The following C7orf78 variants were observed in gnomAD, a reference collection of about 807,000 sequenced individuals.
C7orf78 encodes the protein putative uncharacterized protein C7orf78.
At chr7:12,511,844 C>T in the C7orf78 span, among the ~76,000 whole-genome samples, 31 of 151,496 alleles carry the variant, frequency 2.0e-4, no homozygotes, top group African/African-American at 2.7e-4. Flanking sequence ...CTCTGCTTCC[C>T]GGGTTCACAC....
At chr7:12,538,056 T>C in the C7orf78 span, among the ~76,000 whole-genome samples, 1 of 152,196 alleles carries the variant, frequency 6.6e-6, no homozygotes, top group Admixed American at 6.5e-5. Flanking sequence ...AGAAATGTAG[T>C]ATTTTCTGAC....
the C7orf78 span, among the ~76,000 whole-genome samples, chr7:12,484,638 G>C: frequency 6.6e-6 from 1 of 152,062 alleles, no homozygotes; most frequent in African/African-American, 2.4e-5. Flanking sequence ...TCTGCTATCA[G>C]TCACTTTTTG....
the C7orf78 span, chr7:12,529,136 T>C: frequency 1.6e-3 from 631 of 397,202 alleles, no homozygotes; most frequent in African/African-American, 0.012. Context: ...TTTGTTGTAG[T>C]GTAAAATATA....
chr7:12,493,754 T>A, the C7orf78 span, among the ~76,000 whole-genome samples: 18 of 152,198 alleles, frequency 1.2e-4, no homozygotes, highest in Non-Finnish European at 2.4e-4. Context: ...TAAAAGTAAC[T>A]ACTCCCAAAG....
At chr7:12,491,828 T>G in the C7orf78 span, 1 of 152,294 alleles carries the variant, frequency 6.6e-6, no homozygotes, top group South Asian at 2.1e-4. Flanking sequence ...TATTTCTTAT[T>G]TTGCTGCCTT....
the C7orf78 span, among the ~76,000 whole-genome samples, chr7:12,526,603 TAA>T: frequency 1.3e-5 from 2 of 152,184 alleles, no homozygotes; most frequent in Admixed American, 6.5e-5. Context: ...TTTATACCTG[TAA>T]AACTAAGATA....
chr7:12,539,833 A>G, the C7orf78 span, among the ~76,000 whole-genome samples: 1 of 152,222 alleles, frequency 6.6e-6, no homozygotes, highest in Admixed American at 6.5e-5. Context: ...AGAAACAGGA[A>G]CTAGGGAGAG....
chr7:12,534,179 A>G, the C7orf78 span, among the ~76,000 whole-genome samples: 5 of 152,226 alleles, frequency 3.3e-5, no homozygotes, highest in Non-Finnish European at 5.9e-5. Context: ...TAGATTTTCA[A>G]CATTTCATTT....
chr7:12,499,225 C>T, the C7orf78 span, among the ~76,000 whole-genome samples: 2 of 151,752 alleles, frequency 1.3e-5, no homozygotes, highest in Non-Finnish European at 3.0e-5. Context: ...ATCAAATTCA[C>T]ACATAACACT....
the C7orf78 span, among the ~76,000 whole-genome samples, chr7:12,529,848 C>T: frequency 6.6e-6 from 1 of 152,242 alleles, no homozygotes; most frequent in Admixed American, 6.5e-5. Flanking sequence ...AGAGGTACTG[C>T]TCCTCGCGAA....
the C7orf78 span, chr7:12,523,115 C>T: frequency 2.5e-6 from 1 of 398,336 alleles, no homozygotes; most frequent in Non-Finnish European, 4.4e-6. Flanking sequence ...GCAACCTCCA[C>T]AATGTAAAAT....
At chr7:12,518,210 A>G in the C7orf78 span, among the ~76,000 whole-genome samples, 3 of 152,116 alleles carry the variant, frequency 2.0e-5, no homozygotes, top group African/African-American at 7.2e-5. Context: ...ATTTTCTGGG[A>G]AAAGGGATTG....
At chr7:12,495,884 A>G in the C7orf78 span, among the ~76,000 whole-genome samples, 1 of 152,094 alleles carries the variant, frequency 6.6e-6, no homozygotes, top group South Asian at 2.1e-4. Context: ...ATTTGCCACA[A>G]CTTGTTGCGT....
At chr7:12,501,703 C>G in the C7orf78 span, among the ~76,000 whole-genome samples, 1 of 149,944 alleles carries the variant, frequency 6.7e-6, no homozygotes, top group Non-Finnish European at 1.5e-5. Context: ...GCTACCAATG[C>G]CTTTATTCAC....
chr7:12,492,293 G>C, the C7orf78 span, among the ~76,000 whole-genome samples: 1 of 152,150 alleles, frequency 6.6e-6, no homozygotes, highest in African/African-American at 2.4e-5. Context: ...GGCTGACCAA[G>C]GTAGTTCTTT....
chr7:12,502,624 C>T, the C7orf78 span, among the ~76,000 whole-genome samples: 1 of 151,888 alleles, frequency 6.6e-6, no homozygotes, highest in Non-Finnish European at 1.5e-5. Context: ...AACACTTTTA[C>T]ATTGTTGGTG....
At chr7:12,525,799 A>G in the C7orf78 span, 7 of 396,596 alleles carry the variant, frequency 1.8e-5, no homozygotes, top group East Asian at 1.1e-4. Flanking sequence ...TAATATTGCA[A>G]TCTTTCCTTT....
At chr7:12,510,516 TAC>T in the C7orf78 span, among the ~76,000 whole-genome samples, 1 of 152,204 alleles carries the variant, frequency 6.6e-6, no homozygotes, top group African/African-American at 2.4e-5. Flanking sequence ...TGTACTAATT[TAC>T]ATTCTCACCA....
chr7:12,504,062 C>G, the C7orf78 span, among the ~76,000 whole-genome samples: 1 of 152,116 alleles, frequency 6.6e-6, no homozygotes, highest in Non-Finnish European at 1.5e-5. Context: ...ATTAAGTCAA[C>G]CTTCTTAAGC....
Sources: allele counts gnomAD v4.1 joint callset (sites outside exome capture counted in the v4.1 genomes callset), GRCh38; gene constraint gnomAD v4.1.1; transcripts MANE v1.5; gene names NCBI Gene and HGNC (gene_info 2026-07-23, HGNC 2026-07-21).